SCARB2: variants seen among roughly 807,000 people sequenced by gnomAD.
The protein encoded by SCARB2 is lysosome membrane protein 2.
SCARB2 carries 29 observed loss-of-function variants against 58.6 expected under a neutral mutation model. That is an observed-to-expected ratio of 0.49 (90% CI 0.37 to 0.67). SCARB2 has a LOEUF of 0.67. SCARB2 is among the 30% of genes least tolerant of loss of function. The pLI is 0.00. For synonymous variants in SCARB2, 195 were observed against 210.1 expected, an observed-to-expected ratio of 0.93 and a Z score of 0.62; for missense variants, 488 against 578.5, an observed-to-expected ratio of 0.84 and a Z score of 1.60.
At chr4:76,183,529 A>AG (rs1732427581) in intron 2 of SCARB2, among the ~76,000 whole-genome samples, 2 of 152,232 alleles carry the variant, frequency 1.3e-5, no homozygotes, top group Non-Finnish European at 2.9e-5. Context: ...GGCAAGGTGT[A>AG]GGGGAAGGAG....
chr4:76,178,421 A>T (rs994313914), intron 4 of SCARB2, among the ~76,000 whole-genome samples: 2 of 152,236 alleles, frequency 1.3e-5, no homozygotes, highest in Non-Finnish European at 2.9e-5. Context: ...AAAACAAAAA[A>T]AGTGAGTTAT....
chr4:76,178,872 A>AATTC (rs1427216864), intron 4 of SCARB2, among the ~76,000 whole-genome samples: 2 of 152,288 alleles, frequency 1.3e-5, no homozygotes, highest in East Asian at 3.9e-4. Flanking sequence ...GGATTACATG[A>AATTC]AGAGGGTAAG....
chr4:76,229,114 T>G (rs1477649397), intron 1 of SCARB2, among the ~76,000 whole-genome samples: 1 of 152,212 alleles, frequency 6.6e-6, no homozygotes, highest in East Asian at 1.9e-4. Context: ...CTTCTACTTG[T>G]TCTATTGTTG....
intron 1 of SCARB2, among the ~76,000 whole-genome samples, chr4:76,210,379 A>G (rs1474597591): frequency 6.6e-6 from 1 of 152,184 alleles, no homozygotes; most frequent in Non-Finnish European, 1.5e-5. Flanking sequence ...TATTAAAATG[A>G]TCACAGGCGA....
At chr4:76,223,526 C>T (rs901952264) in intron 1 of SCARB2, among the ~76,000 whole-genome samples, 11 of 152,258 alleles carry the variant, frequency 7.2e-5, no homozygotes, top group Admixed American at 2.0e-4. Flanking sequence ...TTATTATCAC[C>T]GCCCTCTTCC....
At chr4:76,224,034 A>C (rs576937780) in intron 1 of SCARB2, among the ~76,000 whole-genome samples, 1 of 152,360 alleles carries the variant, frequency 6.6e-6, no homozygotes, top group East Asian at 1.9e-4. Flanking sequence ...CCTCCCCACA[A>C]ACACAGAAGG....
Position 76,175,822 on chromosome 4 carries a change from C to G in SCARB2, c.793G>C (p.Val265Leu), listed in dbSNP as rs771313408. 7.4e-6 allele frequency: 12 copies of G among 1,613,874 alleles called. No individual in the cohort carries two copies. In the East Asian group the frequency reaches 2.0e-4, roughly 27 times the overall value. The change falls in exon 6 of 12, where the codon GTC becomes CTC. Residue 265 changes from valine to leucine, a missense_variant. By Grantham distance (32) the Val-to-Leu change is conservative (BLOSUM62 1). Transcript: ENST00000264896. ...AAGTCAGATGGGAAGACATAAAGGA[C>G]CTCATCTTTGGTTATTAGTGGGTGA... ...SFHPLITKDEVLYVFPSDFCR... is the reference protein window; with the variant it reads ...SFHPLITKDELLYVFPSDFCR...
chr4:76,161,874 C>A (rs1021966733), intron 11 of SCARB2, 123 bp from the exon 12 acceptor site: 1 of 837,062 alleles, frequency 1.2e-6, no homozygotes, highest in Non-Finnish European at 2.0e-6. Context: ...GGTGGCTCAT[C>A]TCACTCACCT....
At chr4:76,221,707 AACAC>A (rs745380168) in intron 1 of SCARB2, among the ~76,000 whole-genome samples, 2 of 152,214 alleles carry the variant, frequency 1.3e-5, no homozygotes, top group African/African-American at 2.4e-5. Context: ...CTAAGCATCA[AACAC>A]ACACGGACAC....
At chr4:76,194,912 C>G (rs891508459) in intron 2 of SCARB2, 1 of 152,164 alleles carries the variant, frequency 6.6e-6, no homozygotes, top group African/African-American at 2.4e-5. Flanking sequence ...AAGACTCTAA[C>G]AGCCTCTGCT....
chr4:76,169,853 A>T lies in SCARB2; in HGVS notation c.1113+14T>A, dbSNP rs35369082. ...AAACATATGCTCTTTTACCAGGAGG[A>T]AGTATGTACTCACAGGATTAATGTC... On this transcript the variant is annotated intron_variant, in intron 8 of 11. Transcript: ENST00000264896. 251,018 of 1,557,634 alleles carry T rather than the reference A, an allele frequency of 0.16. 22,535 individuals are homozygous for T. The highest frequency in any genetic ancestry group is 0.34 in the East Asian group (15,229 of 44,538).
At position 76,169,971 on chromosome 4, in the gene SCARB2, T is replaced by C; in HGVS notation, c.1009A>G (p.Met337Val). ...GCTTGGTAAAAGTGTGGGAAAGACA[T>C]AATGATGGGTGCACCTGCATTTGAA... Reference protein sequence around the residue: ...SICKNGAPIIMSFPHFYQADE... With the variant: ...SICKNGAPIIVSFPHFYQADE... Residue 337 changes from methionine (M) to valine (V), a missense_variant, in exon 8 of 12, where the codon ATG (methionine) becomes GTG (valine). Coordinates refer to ENST00000264896, the MANE Select transcript of SCARB2 (RefSeq NM_005506.4). The C allele has an allele frequency of 6.2e-7, 1 of 1,613,586 alleles. No homozygotes were observed. The highest frequency in any genetic ancestry group is 8.5e-7 in the Non-Finnish European group (1 of 1,179,620).
chr4:76,207,273 T>C (rs1476158618), intron 1 of SCARB2, among the ~76,000 whole-genome samples: 1 of 152,228 alleles, frequency 6.6e-6, no homozygotes, highest in Non-Finnish European at 1.5e-5. Context: ...GTTTTAAACA[T>C]TTCTCAAAAA....
chr4:76,227,010 T>A (rs371855186), intron 1 of SCARB2, among the ~76,000 whole-genome samples: 5,099 of 151,972 alleles, frequency 0.034, 243 homozygotes, highest in African/African-American at 0.11. Flanking sequence ...TTTTGTTTGT[T>A]TGTTTCAATT....
Position 76,195,469 on chromosome 4 carries a change from C to A in SCARB2, c.275+238G>T. ...GTTTAATAATCACAGTCTGCCAACT[C>A]AGGAGGAAACCGCTGCACTTCAAAA... On this transcript the variant is annotated intron_variant, in intron 2 of 11. Transcript: ENST00000264896. 3 of 537,290 alleles carry A rather than the reference C, an allele frequency of 5.6e-6. No homozygotes were observed. In the South Asian group the frequency reaches 6.4e-5, roughly 11 times the overall value. The allele number at this position is 537,290 out of a possible 1,614,324, so 33.3% of individuals were successfully genotyped here.
chr4:76,175,368 T>C (rs544535736), intron 6 of SCARB2: 165 of 219,848 alleles, frequency 7.5e-4, no homozygotes, highest in Middle Eastern at 7.1e-3. Flanking sequence ...ACCAGGTCAG[T>C]TGATGCTTGA....
Position 76,163,368 on chromosome 4 carries a change from T to C in SCARB2, c.1255A>G (p.Lys419Glu), listed in dbSNP as rs780326859. The C allele has an allele frequency of 3.7e-6, 6 of 1,614,212 alleles. No individual in the cohort carries two copies. The highest frequency in any genetic ancestry group is 5.1e-6 in the Non-Finnish European group (6 of 1,180,026). ...MYLNESVHIDKETASRLKSMI... is the reference protein window; with the variant it reads ...MYLNESVHIDEETASRLKSMI... ...GACTTCAGTCGACTCGCCGTCTCTT[T>C]ATCAATGTGAACACTCTGGAGAGGC... Residue 419 changes from lysine (K) to glutamate (E), a missense_variant, in exon 11 of 12, where the codon AAA becomes GAA. By Grantham distance (56) the Lys-to-Glu change is moderately conservative. Coordinates refer to ENST00000264896, the MANE Select transcript of SCARB2 (RefSeq NM_005506.4).
intron 1 of SCARB2, among the ~76,000 whole-genome samples, chr4:76,202,557 A>G (rs900529793): frequency 6.6e-6 from 1 of 152,132 alleles, no homozygotes; most frequent in Non-Finnish European, 1.5e-5. Context: ...CACCGTGCCC[A>G]GCCTGTTGTT....
At chr4:76,191,483 G>A (rs985225108) in intron 2 of SCARB2, among the ~76,000 whole-genome samples, 1 of 151,952 alleles carries the variant, frequency 6.6e-6, no homozygotes, top group African/African-American at 2.4e-5. Flanking sequence ...ACGAGATCTG[G>A]CTGTTGTAAA....
Sources: gnomAD v4.1 joint callset for allele counts (sites outside exome capture counted in the v4.1 genomes callset) on GRCh38, gnomAD v4.1.1 for gene constraint, MANE v1.5 for transcripts, NCBI Gene and HGNC (gene_info 2026-07-23, HGNC 2026-07-21) for gene names.